LRRC4C: variants seen among roughly 807,000 people sequenced by gnomAD.
LRRC4C encodes leucine-rich repeat-containing protein 4C.
In LRRC4C, 5 loss-of-function variants were observed where a neutral mutation model predicts 33.6. That is an observed-to-expected ratio of 0.15 (90% CI 0.08 to 0.31). The LOEUF is 0.31. LRRC4C is among the 10% of genes least tolerant of loss of function. LRRC4C has a pLI of 1.00. For synonymous variants in LRRC4C, 329 were observed against 302.0 expected, an observed-to-expected ratio of 1.09 and a Z score of -0.93; for missense variants, 560 against 796.7, an observed-to-expected ratio of 0.70 and a Z score of 3.58.
intron 1 of LRRC4C, among the ~76,000 whole-genome samples, chr11:41,221,061 T>C (rs1220824269): frequency 1.3e-5 from 2 of 152,168 alleles, no homozygotes; most frequent in Non-Finnish European, 2.9e-5. Flanking sequence ...TAATGGAGGT[T>C]TGTGGTACAA....
rs1950328773 is a variant in LRRC4C at position 40,416,471 on chromosome 11, A to G, written c.-269-96750T>C. On this transcript the variant is annotated intron_variant, in intron 3 of 6. Coordinates refer to ENST00000528697, the MANE Select transcript of LRRC4C (RefSeq NM_001258419.2). ...TTTGTGGAACAGAAAGACAGTCAGT[A>G]TGGCTGGAAGTTAGTAAGCAGATAC... Among the ~76,000 whole-genome samples the G allele has an allele frequency of 1.3e-5, 2 of 152,184 alleles. 1 individual carries two copies. The highest frequency in any genetic ancestry group is 4.1e-4 in the South Asian group (2 of 4,830).
intron 1 of LRRC4C, among the ~76,000 whole-genome samples, chr11:41,398,969 C>T (rs959433999): frequency 1.3e-5 from 2 of 151,850 alleles, no homozygotes; most frequent in Non-Finnish European, 2.9e-5. Flanking sequence ...TATTCCTGTC[C>T]AGTTGAAAAC....
intron 3 of LRRC4C, among the ~76,000 whole-genome samples, chr11:40,546,175 T>G (rs564208982): frequency 1.3e-5 from 2 of 151,580 alleles, no homozygotes; most frequent in Admixed American, 1.3e-4. Flanking sequence ...TTATTTTCTA[T>G]GCAATATTCC....
intron 2 of LRRC4C, among the ~76,000 whole-genome samples, chr11:40,708,809 G>A (rs1946313129): frequency 6.6e-6 from 1 of 152,110 alleles, no homozygotes; most frequent in Admixed American, 6.5e-5. Context: ...ACAGTGGGAT[G>A]TTAAAATCTC....
chr11:40,650,369 G>T (rs1268773190), intron 2 of LRRC4C, among the ~76,000 whole-genome samples: 1 of 152,018 alleles, frequency 6.6e-6, no homozygotes, highest in African/African-American at 2.4e-5. Flanking sequence ...CTGAAAAAGG[G>T]CCAGTCATCC....
rs1382336773 is a variant in LRRC4C at position 40,462,935 on chromosome 11, T to C, written c.-269-143214A>G. 2.0e-5 allele frequency among the ~76,000 whole-genome samples: 3 copies of C among 151,990 alleles called. No homozygotes were observed. In the East Asian group the frequency reaches 5.8e-4, roughly 30 times the overall value. ...CTCAAAAAATGGATGAAGAAAATGATGTGAGAATTCTGGAGGTCTCACATC... is the reference window on the plus strand; with the variant it reads ...CTCAAAAAATGGATGAAGAAAATGACGTGAGAATTCTGGAGGTCTCACATC... On this transcript the variant is annotated intron_variant, in intron 3 of 6. Transcript: ENST00000528697.
At chr11:40,511,400 G>T (rs12574103) in intron 3 of LRRC4C, among the ~76,000 whole-genome samples, 14,325 of 152,288 alleles carry the variant, frequency 0.094, 806 homozygotes, top group Middle Eastern at 0.15. Flanking sequence ...GAAGGGCCAT[G>T]AGATGCAAAA....
At chr11:40,831,927 G>A (rs1952433563) in intron 2 of LRRC4C, among the ~76,000 whole-genome samples, 1 of 152,016 alleles carries the variant, frequency 6.6e-6, no homozygotes, top group South Asian at 2.1e-4. Context: ...TGGGGACACA[G>A]CCAAACCATA....
intron 5 of LRRC4C, among the ~76,000 whole-genome samples, chr11:40,214,611 C>T (rs1361837091): frequency 6.6e-6 from 1 of 151,964 alleles, no homozygotes; most frequent in Non-Finnish European, 1.5e-5. Flanking sequence ...AATAAGATAC[C>T]AGAGAGCTCA....
At chr11:40,501,142 G>A (rs1301944950) in intron 3 of LRRC4C, among the ~76,000 whole-genome samples, 1 of 152,048 alleles carries the variant, frequency 6.6e-6, no homozygotes, top group South Asian at 2.1e-4. Flanking sequence ...GGTGCAAGGG[G>A]GTGGGTTCCC....
chr11:40,204,717 G>A lies in LRRC4C; in HGVS notation c.-96+36802C>T, dbSNP rs972129063. On this transcript the variant is annotated intron_variant, in intron 5 of 6. Coordinates refer to ENST00000528697, the MANE Select transcript of LRRC4C (RefSeq NM_001258419.2). ...TTAACAACCTCCAGGCCTTTTTCCC[G>A]AGCTCACCCAACTCTTAGAAAAACC... Among the ~76,000 whole-genome samples the A allele has an allele frequency of 8.5e-5, 13 of 152,058 alleles. 1 individual carries two copies. The highest frequency in any genetic ancestry group is 3.9e-4 in the East Asian group (2 of 5,158).
intron 1 of LRRC4C, among the ~76,000 whole-genome samples, chr11:41,275,097 G>A (rs748698968): frequency 2.6e-5 from 4 of 152,082 alleles, no homozygotes; most frequent in East Asian, 3.9e-4. Context: ...GCTCCCTCTC[G>A]CCATGAGATA....
intron 5 of LRRC4C, among the ~76,000 whole-genome samples, chr11:40,236,739 C>G (rs1865590915): frequency 1.3e-5 from 2 of 152,092 alleles, no homozygotes; most frequent in Admixed American, 6.5e-5. Context: ...TGACACAGGA[C>G]TTGAGAGGGA....
intron 1 of LRRC4C, among the ~76,000 whole-genome samples, chr11:41,046,154 A>G (rs1857762914): frequency 6.6e-6 from 1 of 152,172 alleles, no homozygotes; most frequent in Non-Finnish European, 1.5e-5. Context: ...GAATAACTCT[A>G]TATTATCTTT....
At chr11:40,997,167 G>T (rs1159638670) in intron 1 of LRRC4C, among the ~76,000 whole-genome samples, 2 of 151,978 alleles carry the variant, frequency 1.3e-5, no homozygotes, top group Non-Finnish European at 2.9e-5. Flanking sequence ...TTGAAAAACT[G>T]GAAGTTGAAC....
At chr11:41,419,836 C>G (rs79772141) in intron 1 of LRRC4C, among the ~76,000 whole-genome samples, 5 of 151,864 alleles carry the variant, frequency 3.3e-5, no homozygotes, top group Admixed American at 3.3e-4. Context: ...CTCAAGCCAT[C>G]TGATACTCAA....
At chr11:41,401,621 A>G (rs1423140673) in intron 1 of LRRC4C, among the ~76,000 whole-genome samples, 1 of 151,946 alleles carries the variant, frequency 6.6e-6, no homozygotes, top group Admixed American at 6.6e-5. Context: ...GTGGAGTAAT[A>G]AATAATGTTT....
intron 1 of LRRC4C, among the ~76,000 whole-genome samples, chr11:41,395,173 C>T (rs533633938): frequency 6.6e-6 from 1 of 152,040 alleles, no homozygotes; most frequent in African/African-American, 2.4e-5. Flanking sequence ...GGAATGTCTT[C>T]GGATCAGCAG....
intron 3 of LRRC4C, among the ~76,000 whole-genome samples, chr11:40,479,524 A>T (rs1417091733): frequency 6.6e-6 from 1 of 152,160 alleles, no homozygotes; most frequent in Non-Finnish European, 1.5e-5. Flanking sequence ...CCAAATTCAG[A>T]TGGTATATAT....
Sources: allele counts gnomAD v4.1 joint callset (sites outside exome capture counted in the v4.1 genomes callset), GRCh38; gene constraint gnomAD v4.1.1; transcripts MANE v1.5; gene names NCBI Gene and HGNC (gene_info 2026-07-23, HGNC 2026-07-21).